GRIN2B: variants seen among roughly 807,000 people sequenced by gnomAD.
GRIN2B encodes the protein glutamate receptor ionotropic, NMDA 2B.
In GRIN2B, 5 loss-of-function variants were observed where a neutral mutation model predicts 114.5. The observed-to-expected ratio is 0.04, with a 90% CI of 0.02 to 0.09. The LOEUF (loss-of-function observed/expected upper bound fraction) is 0.09. Ranked by LOEUF, GRIN2B falls within the 10% of genes least tolerant of loss-of-function variation. The pLI, the probability that GRIN2B is intolerant of heterozygous loss-of-function variation, is 1.00. For missense variants in GRIN2B, 1,108 were observed against 1,943.5 expected, an observed-to-expected ratio of 0.57 and a Z score of 8.08; for synonymous variants, 787 against 745.1, an observed-to-expected ratio of 1.06 and a Z score of -0.92.
At chr12:13,577,072 C>T (rs1948786137) in intron 10 of GRIN2B, among the ~76,000 whole-genome samples, 1 of 149,324 alleles carries the variant, frequency 6.7e-6, no homozygotes, top group South Asian at 2.1e-4. Flanking sequence ...AGACTTGACC[C>T]CTGAGTATGG....
In GRIN2B at chr12:13,616,473, T is replaced by G; in HGVS notation, c.1310A>C (p.Gln437Pro). Residue 437 changes from glutamine to proline, a missense_variant, in exon 6 of 14, where the codon CAA becomes CCA. Transcript: ENST00000609686. ...GCCATACTCAGTGACTATGCGTTTT[T>G]GGCAGGGGACTGTGTTCCTCATGCA... Reference protein sequence around the residue: ...GTCMRNTVPCQKRIVTENKTD... With the variant: ...GTCMRNTVPCPKRIVTENKTD... The G allele has an allele frequency of 6.2e-7, 1 of 1,613,702 alleles. No individual in the cohort carries two copies. Among genetic ancestry groups the G allele is most frequent in the Non-Finnish European group, 8.5e-7 (1 of 1,179,836 alleles).
At chr12:13,762,163 C>A (rs1863691620) in intron 3 of GRIN2B, among the ~76,000 whole-genome samples, 1 of 152,078 alleles carries the variant, frequency 6.6e-6, no homozygotes, top group Non-Finnish European at 1.5e-5. Flanking sequence ...GCCACCACGA[C>A]CGGCTAATTT....
At chr12:13,915,549 G>T (rs777063707) in intron 2 of GRIN2B, among the ~76,000 whole-genome samples, 1 of 152,246 alleles carries the variant, frequency 6.6e-6, no homozygotes, top group African/African-American at 2.4e-5. Flanking sequence ...AAACAGGACT[G>T]TCTGCAGTGA....
intron 3 of GRIN2B, among the ~76,000 whole-genome samples, chr12:13,760,131 T>G (rs889512155): frequency 1.3e-5 from 2 of 152,240 alleles, no homozygotes; most frequent in Admixed American, 1.3e-4. Flanking sequence ...CTTTGCTTTT[T>G]CTTTTTCCCA....
intron 3 of GRIN2B, among the ~76,000 whole-genome samples, chr12:13,838,240 C>G (rs573878562): frequency 1.2e-4 from 18 of 152,232 alleles, no homozygotes; most frequent in Admixed American, 5.9e-4. Context: ...CAAGACAAAG[C>G]CTGAAGCACA....
At chr12:13,609,341 T>C (rs2136471369) in intron 9 of GRIN2B, among the ~76,000 whole-genome samples, 2 of 152,364 alleles carry the variant, frequency 1.3e-5, no homozygotes, top group South Asian at 2.1e-4. Context: ...ATACTGATGC[T>C]AGATGGCTTA....
chr12:13,869,618 G>T (rs1413979703), intron 2 of GRIN2B, among the ~76,000 whole-genome samples: 4 of 152,270 alleles, frequency 2.6e-5, no homozygotes, highest in African/African-American at 9.6e-5. Context: ...AAAACTGAGG[G>T]TTAAGTACAT....
chr12:13,608,575 G>T, intron 10 of GRIN2B, 28 bp downstream of exon 10: 4 of 1,497,310 alleles, frequency 2.7e-6, no homozygotes, highest in Middle Eastern at 1.7e-4. Context: ...TTGAGGGAAA[G>T]ACGGGAGATT....
At chr12:13,834,005 T>G (rs2136706099) in intron 3 of GRIN2B, among the ~76,000 whole-genome samples, 1 of 149,080 alleles carries the variant, frequency 6.7e-6, no homozygotes, top group Admixed American at 6.7e-5. Context: ...AACACAGTAG[T>G]CTCTTTGCTA....
chr12:13,834,218 T>TTTTTTTTTTTTTTTTTTTTTTTC (rs1565555844), intron 3 of GRIN2B, among the ~76,000 whole-genome samples: 1 of 146,516 alleles, frequency 6.8e-6, no homozygotes, highest in African/African-American at 2.6e-5. Context: ...TTTTTTTTTT[T>TTTTTTTTTTTTTTTTTTTTTTTC]AGTAGAGATG....
intron 3 of GRIN2B, among the ~76,000 whole-genome samples, chr12:13,823,986 C>T (rs564429762): frequency 6.6e-6 from 1 of 152,104 alleles, no homozygotes; most frequent in African/African-American, 2.4e-5. Context: ...GGGATAAACA[C>T]CTCTTAGATA....
chr12:13,827,982 T>TA, intron 3 of GRIN2B, among the ~76,000 whole-genome samples: 1 of 152,316 alleles, frequency 6.6e-6, no homozygotes, highest in East Asian at 1.9e-4. Context: ...ACCCAGCCTA[T>TA]AATAGGTCTT....
chr12:13,800,140 ACATTCCC>A (rs1484769808), intron 3 of GRIN2B, among the ~76,000 whole-genome samples: 2 of 152,174 alleles, frequency 1.3e-5, no homozygotes, highest in African/African-American at 4.8e-5. Flanking sequence ...GGACTATGTC[ACATTCCC>A]TTAAAGACCA....
intron 3 of GRIN2B, among the ~76,000 whole-genome samples, chr12:13,795,840 C>T (rs891535836): frequency 6.6e-6 from 1 of 151,998 alleles, no homozygotes; most frequent in African/African-American, 2.4e-5. Context: ...GGACAGAAAA[C>T]CAAACATCAC....
intron 2 of GRIN2B, among the ~76,000 whole-genome samples, chr12:13,928,600 A>G (rs1866961510): frequency 6.6e-6 from 1 of 152,234 alleles, no homozygotes; most frequent in Non-Finnish European, 1.5e-5. Context: ...GCTTAGAAAA[A>G]ATGGTAAAAG....
chr12:13,755,748 G>A (rs1863565057), intron 3 of GRIN2B, among the ~76,000 whole-genome samples: 1 of 152,192 alleles, frequency 6.6e-6, no homozygotes, highest in African/African-American at 2.4e-5. Context: ...ACTTTGGTCG[G>A]AATGTTTGCA....
intron 10 of GRIN2B, among the ~76,000 whole-genome samples, chr12:13,573,628 C>T (rs1180474633): frequency 2.0e-5 from 3 of 152,148 alleles, no homozygotes; most frequent in Admixed American, 6.5e-5. Flanking sequence ...GGCATCGGAA[C>T]GACAATGAAG....
intron 4 of GRIN2B, among the ~76,000 whole-genome samples, chr12:13,739,669 A>G (rs918213881): frequency 9.2e-5 from 14 of 152,126 alleles, no homozygotes; most frequent in African/African-American, 3.4e-4. Context: ...AAAATAGCTG[A>G]TTGCATGGAG....
chr12:13,850,478 T>C (rs1188625950), intron 3 of GRIN2B, among the ~76,000 whole-genome samples: 1 of 152,206 alleles, frequency 6.6e-6, no homozygotes, highest in African/African-American at 2.4e-5. Flanking sequence ...GGAATTCCCA[T>C]GCAGCTGCAG....
Sources: allele counts gnomAD v4.1 joint callset (sites outside exome capture counted in the v4.1 genomes callset), GRCh38; gene constraint gnomAD v4.1.1; transcripts MANE v1.5; gene names NCBI Gene and HGNC (gene_info 2026-07-23, HGNC 2026-07-21).